SMC6: variants seen among roughly 807,000 people sequenced by gnomAD.
SMC6 encodes the protein structural maintenance of chromosomes 6, also known as structural maintenance of chromosomes protein 6.
Under a neutral mutation model 142.2 loss-of-function variants are expected in SMC6, and 79 were observed. That is an observed-to-expected ratio of 0.56 (90% CI 0.46 to 0.67). The LOEUF is 0.67. SMC6 is among the 30% of genes least tolerant of loss of function. SMC6 has a pLI of 0.00. For synonymous variants in SMC6, 411 were observed against 412.4 expected, an observed-to-expected ratio of 1.00 and a Z score of 0.04; for missense variants, 1,072 against 1,284.0, an observed-to-expected ratio of 0.83 and a Z score of 2.52.
rs149594723 is a variant in SMC6, at chr2:17,701,409, T to G, written c.2223+420A>C. ...TTGATTTAAAATGAAAAATACTGAT[T>G]TGAAAAAAAGAAAAAAAACAAGACA... On this transcript the variant is annotated intron_variant, in intron 20 of 27. Coordinates refer to ENST00000448223, the MANE Select transcript of SMC6 (RefSeq NM_001142286.2). 4.7e-3 allele frequency among the ~76,000 whole-genome samples: 714 copies of G among 151,928 alleles called. 8 individuals are homozygous for G. The highest frequency in any genetic ancestry group is 0.016 in the African/African-American group (668 of 41,312).
chr2:17,706,951 T>C (rs1668540764), intron 18 of SMC6, among the ~76,000 whole-genome samples: 1 of 152,160 alleles, frequency 6.6e-6, no homozygotes, highest in South Asian at 2.1e-4. Context: ...TCCTATCTCC[T>C]TGAGGACAAG....
At chr2:17,685,178 G>A (rs1572263123) in intron 23 of SMC6, among the ~76,000 whole-genome samples, 1 of 147,400 alleles carries the variant, frequency 6.8e-6, no homozygotes, top group East Asian at 2.0e-4. Context: ...AGAAGATATA[G>A]ATATTCAACA....
chr2:17,747,507 C>CT (rs11303424), intron 2 of SMC6, among the ~76,000 whole-genome samples: 43 of 106,020 alleles, frequency 4.1e-4, no homozygotes, highest in East Asian at 1.6e-3. Flanking sequence ...CTTTTTCTTT[C>CT]TTTTTTTTTT....
intron 9 of SMC6, 107 bp downstream of exon 9, chr2:17,725,150 C>A: frequency 2.8e-6 from 2 of 704,098 alleles, no homozygotes; most frequent in Non-Finnish European, 2.3e-6. Flanking sequence ...AAAAATATTA[C>A]TAGTTTTATA....
Position 17,664,615 on chromosome 2 carries a change from T to C in SMC6, c.*884A>G, listed in dbSNP as rs1247731877. On this transcript the variant is annotated 3_prime_UTR_variant, in exon 28 of 28. Coordinates refer to ENST00000448223, the MANE Select transcript of SMC6 (RefSeq NM_001142286.2). ...TATCATTTTTTACAATAACTATATTTGGTCATTCTAAGCAGCACACTTTTT... is the reference window on the plus strand; with the variant it reads ...TATCATTTTTTACAATAACTATATTCGGTCATTCTAAGCAGCACACTTTTT... The C allele has an allele frequency of 6.6e-6, 1 of 152,212 alleles. No individual in the cohort carries two copies. Among genetic ancestry groups the C allele is most frequent in the African/African-American group, 2.4e-5 (1 of 41,462 alleles). The allele number at this position is 152,212 out of a possible 1,614,324, so 9.4% of individuals were successfully genotyped here. A position where few individuals can be genotyped will look rare whatever the true frequency, so the allele number is the denominator to read the frequency against.
At chr2:17,707,767 T>C (rs149643953) in intron 17 of SMC6, among the ~76,000 whole-genome samples, 4 of 152,174 alleles carry the variant, frequency 2.6e-5, no homozygotes, top group Admixed American at 2.6e-4. Flanking sequence ...AAGATATGAA[T>C]GAATAGCAAA....
intron 25 of SMC6, among the ~76,000 whole-genome samples, chr2:17,671,972 T>C (rs545797939): frequency 6.6e-6 from 1 of 152,248 alleles, no homozygotes; most frequent in South Asian, 2.1e-4. Context: ...AAAGTGATAC[T>C]GCTCTCAAGT....
At chr2:17,741,769 T>A (rs768231735) in intron 3 of SMC6, 40 bp from the exon 4 acceptor site, 2 of 1,351,952 alleles carry the variant, frequency 1.5e-6, no homozygotes, top group South Asian at 2.5e-5. Context: ...GTCAATCTAA[T>A]TCACTCATTA....
intron 24 of SMC6, chr2:17,679,958 C>T (rs1667167586): frequency 6.6e-6 from 1 of 152,206 alleles, no homozygotes; most frequent in African/African-American, 2.4e-5. Flanking sequence ...CCTCCCTGAA[C>T]TGCATTAAAT....
chr2:17,719,799 T>C (rs1669279626), intron 11 of SMC6, among the ~76,000 whole-genome samples: 1 of 152,156 alleles, frequency 6.6e-6, no homozygotes, highest in African/African-American at 2.4e-5. Context: ...GTGTCCTATC[T>C]TTACCTATTT....
intron 16 of SMC6, among the ~76,000 whole-genome samples, chr2:17,713,066 G>T (rs1344265589): frequency 6.6e-6 from 1 of 152,164 alleles, no homozygotes; most frequent in Non-Finnish European, 1.5e-5. Flanking sequence ...ACTGAGGTGG[G>T]TCTAAACACT....
chr2:17,734,758 G>A (rs917798545), intron 5 of SMC6, among the ~76,000 whole-genome samples: 1 of 151,890 alleles, frequency 6.6e-6, no homozygotes, highest in African/African-American at 2.4e-5. Context: ...TTGAGACAGA[G>A]TCTCACTCTG....
At chr2:17,739,262 G>A (rs919547824) in intron 4 of SMC6, among the ~76,000 whole-genome samples, 3 of 151,986 alleles carry the variant, frequency 2.0e-5, no homozygotes, top group Non-Finnish European at 4.4e-5. Context: ...TAATCCCAGC[G>A]TTTTGGGAGG....
At chr2:17,719,129 C>A (rs1204775204) in intron 11 of SMC6, among the ~76,000 whole-genome samples, 1 of 152,126 alleles carries the variant, frequency 6.6e-6, no homozygotes, top group Non-Finnish European at 1.5e-5. Flanking sequence ...TTGTGGGCCA[C>A]ATGGTCTCTC....
chr2:17,729,399 TC>T (rs1380712195), intron 7 of SMC6, among the ~76,000 whole-genome samples: 1 of 152,190 alleles, frequency 6.6e-6, no homozygotes, highest in Non-Finnish European at 1.5e-5. Context: ...TGTTTTACAT[TC>T]CCCAAGGAAG....
chr2:17,722,146 A>G (rs1669400832), intron 9 of SMC6, among the ~76,000 whole-genome samples: 2 of 151,826 alleles, frequency 1.3e-5, no homozygotes, highest in South Asian at 4.2e-4. Flanking sequence ...CAAACCTCAT[A>G]CACCTCATAC....
intron 2 of SMC6, among the ~76,000 whole-genome samples, chr2:17,746,774 AT>A (rs1358306668): frequency 1.3e-5 from 2 of 152,150 alleles, no homozygotes; most frequent in East Asian, 3.8e-4. Context: ...TGCTGCTTTC[AT>A]TTTTTCCTTT....
At chr2:17,696,474 G>T (rs759754299) in intron 21 of SMC6, 48 bp from the exon 22 acceptor site, 1 of 1,580,418 alleles carries the variant, frequency 6.3e-7, no homozygotes, top group East Asian at 2.2e-5. Context: ...AAAATTTCCA[G>T]CATAGGTATA....
chr2:17,729,329 T>C (rs1341439075), intron 7 of SMC6, among the ~76,000 whole-genome samples: 1 of 152,218 alleles, frequency 6.6e-6, no homozygotes, highest in Non-Finnish European at 1.5e-5. Flanking sequence ...TTGTTATGCA[T>C]TAAGTAAACC....
Sources: gnomAD v4.1 joint callset for allele counts (sites outside exome capture counted in the v4.1 genomes callset) on GRCh38, gnomAD v4.1.1 for gene constraint, MANE v1.5 for transcripts, NCBI Gene and HGNC (gene_info 2026-07-23, HGNC 2026-07-21) for gene names.